The following XPO7 variants were observed in gnomAD, a reference collection of about 807,000 sequenced individuals.
XPO7 encodes the protein exportin 7, also known as exportin-7.
XPO7 carries 21 observed loss-of-function variants against 144.3 expected under a neutral mutation model. That is an observed-to-expected ratio of 0.15 (90% CI 0.10 to 0.21). XPO7 has a LOEUF of 0.21. XPO7 is among the 10% of genes least tolerant of loss of function. XPO7 has a pLI of 1.00. For synonymous variants in XPO7, 580 were observed against 499.6 expected, an observed-to-expected ratio of 1.16 and a Z score of -2.15; for missense variants, 808 against 1,325.8, an observed-to-expected ratio of 0.61 and a Z score of 6.06.
Position 21,986,848 on chromosome 8 carries a change from T to G in XPO7, c.1578-293T>G, listed in dbSNP as rs1812596143. 6.6e-6 allele frequency among the ~76,000 whole-genome samples: 1 copy of G among 152,216 alleles called. No homozygotes were observed. The highest frequency in any genetic ancestry group is 1.5e-5 in the Non-Finnish European group (1 of 68,030). The stretch of plus-strand genomic sequence containing the variant: ...TCGCATTCACTCACTTGCATTCCAG[T>G]ATCCTTTCTTTTGGGGAGAAGGTAC... On this transcript the variant is annotated intron_variant, in intron 13 of 27. Transcript: ENST00000252512.
At chr8:21,972,058 T>C in intron 5 of XPO7, 117 bp downstream of exon 5, 1 of 889,752 alleles carries the variant, frequency 1.1e-6, no homozygotes, top group South Asian at 1.5e-5. Context: ...CGGTAAGTGA[T>C]TAATGCCCTT....
intron 8 of XPO7, among the ~76,000 whole-genome samples, chr8:21,979,257 C>G (rs1812324600): frequency 6.6e-6 from 1 of 151,810 alleles, no homozygotes; most frequent in African/African-American, 2.4e-5. Context: ...GTTGGTCAGG[C>G]TGGTCTCAAA....
chr8:21,996,983 T>C (rs965374478), intron 21 of XPO7, among the ~76,000 whole-genome samples: 3 of 152,128 alleles, frequency 2.0e-5, no homozygotes, highest in African/African-American at 4.8e-5. Context: ...TAATTTTCTA[T>C]TTTTAGTAGA....
rs140368394 is a variant in XPO7 at position 21,923,016 on chromosome 8, T to A, written c.18+3228T>A. ...GCAGGGTGCAAAAAGTCGGCCTGATTATAGCAAAAGTGATGGTTGTTTTTT... is the reference window on the plus strand; with the variant it reads ...GCAGGGTGCAAAAAGTCGGCCTGATAATAGCAAAAGTGATGGTTGTTTTTT... On this transcript the variant is annotated intron_variant, in intron 1 of 27. Transcript: ENST00000252512. 4.6e-3 allele frequency among the ~76,000 whole-genome samples: 700 copies of A among 152,334 alleles called. 8 individuals are homozygous for A. Among genetic ancestry groups the A allele is most frequent in the African/African-American group, 0.015 (629 of 41,572 alleles).
chr8:21,982,912 C>G, intron 11 of XPO7, 100 bp downstream of exon 11: 1 of 1,387,826 alleles, frequency 7.2e-7, no homozygotes, highest in Non-Finnish European at 9.7e-7. Flanking sequence ...CGAAGCGTGT[C>G]TCATTGGAGC....
At chr8:21,939,877 G>C (rs1279388562) in intron 1 of XPO7, among the ~76,000 whole-genome samples, 2 of 152,172 alleles carry the variant, frequency 1.3e-5, no homozygotes, top group Non-Finnish European at 2.9e-5. Flanking sequence ...CAAACATTTA[G>C]TAGTCTTTTA....
At chr8:21,921,302 A>G (rs1810278025) in intron 1 of XPO7, 1 of 152,244 alleles carries the variant, frequency 6.6e-6, no homozygotes, top group Non-Finnish European at 1.5e-5. Context: ...CCAAAGCACA[A>G]GAATGATAAT....
At chr8:21,951,853 T>A (rs1320314112) in intron 1 of XPO7, among the ~76,000 whole-genome samples, 2 of 152,124 alleles carry the variant, frequency 1.3e-5, no homozygotes, top group African/African-American at 4.8e-5. Context: ...TAATTACGAG[T>A]CTTACAGCTG....
intron 1 of XPO7, among the ~76,000 whole-genome samples, chr8:21,926,781 A>C (rs1389751358): frequency 6.6e-6 from 1 of 152,180 alleles, no homozygotes; most frequent in Non-Finnish European, 1.5e-5. Flanking sequence ...GTTGAAAAAA[A>C]ATCTAAATTT....
chr8:21,951,354 AATC>A (rs908852757), intron 1 of XPO7, among the ~76,000 whole-genome samples: 7 of 152,020 alleles, frequency 4.6e-5, no homozygotes, highest in African/African-American at 1.7e-4. Context: ...ATATACTCTT[AATC>A]ATCCTTACTC....
intron 1 of XPO7, among the ~76,000 whole-genome samples, chr8:21,925,393 G>A (rs1287078850): frequency 6.6e-6 from 1 of 152,176 alleles, no homozygotes; most frequent in Non-Finnish European, 1.5e-5. Flanking sequence ...AGCATTAATT[G>A]ATATCATTTA....
rs145978441 is a variant in XPO7 at position 21,947,936 on chromosome 8, A to C, written c.19-18921A>C. On this transcript the variant is annotated intron_variant, in intron 1 of 27. Transcript: ENST00000252512. The stretch of plus-strand genomic sequence containing the variant: ...AAAACTGATAGAACTATAGGATAAA[A>C]CTACAAAAAATAAAAAAACATGGCA... Among the ~76,000 whole-genome samples the C allele has an allele frequency of 2.7e-3, 404 of 152,304 alleles. 2 individuals are homozygous for C. The highest frequency in any genetic ancestry group is 8.9e-3 in the African/African-American group (370 of 41,574).
In XPO7 at chr8:21,970,266, T is replaced by C. The variant is rs576438786; in HGVS notation, c.382T>C (p.Tyr128His). The change falls in exon 4 of 28, where the codon TAT (tyrosine) becomes CAT (histidine). Residue 128 changes from tyrosine (Y) to histidine (H), a missense_variant. Physicochemically the swap from Tyr to His is moderately conservative, Grantham distance 83 (BLOSUM62 2). Transcript: ENST00000252512. ...LGWFDCQKDD[Y>H]VFRNAITDVT... ...CTGGTTTGACTGTCAGAAGGATGAC[T>C]ATGTCTTCAGAAATGCAATCACAGA... The C allele has an allele frequency of 4.3e-6, 7 of 1,613,698 alleles. No individual in the cohort carries two copies. Among genetic ancestry groups the C allele is most frequent in the Non-Finnish European group, 5.9e-6 (7 of 1,179,824 alleles).
At chr8:21,995,449 C>G (rs1456076103) in intron 20 of XPO7, 43 bp from the exon 21 acceptor site, 8 of 1,521,846 alleles carry the variant, frequency 5.3e-6, no homozygotes, top group Non-Finnish European at 7.2e-6. Flanking sequence ...AAATTCTGTA[C>G]CTTTCTGGAA....
intron 1 of XPO7, among the ~76,000 whole-genome samples, chr8:21,930,233 C>T (rs1284950379): frequency 6.6e-6 from 1 of 152,174 alleles, no homozygotes; most frequent in African/African-American, 2.4e-5. Context: ...TATTATCCTT[C>T]TGGTTATTTG....
chr8:21,955,293 G>GT lies in XPO7; in HGVS notation c.19-11556dup, dbSNP rs1003895789. 2.0e-5 allele frequency among the ~76,000 whole-genome samples: 3 copies of GT among 151,932 alleles called. No individual in the cohort carries two copies. The East Asian group carries it at 5.8e-4, about 29-fold the overall frequency. ...AGGTGGCAAAAGCCAGGTATATGGG[G>GT]TTTTTTTTCCTCCTTATCAGAACTC... On this transcript the variant is annotated intron_variant, in intron 1 of 27. Transcript: ENST00000252512.
chr8:21,921,614 C>G (rs188392376), intron 1 of XPO7: 1 of 152,260 alleles, frequency 6.6e-6, no homozygotes, highest in Non-Finnish European at 1.5e-5. Flanking sequence ...CAGCATTTGT[C>G]GCTCCAACGA....
chr8:21,998,011 A>G (rs781397374), intron 21 of XPO7, among the ~76,000 whole-genome samples: 4 of 152,208 alleles, frequency 2.6e-5, no homozygotes, highest in Non-Finnish European at 4.4e-5. Context: ...CCAAGTCCCT[A>G]TGCATCTTTT....
intron 3 of XPO7, chr8:21,969,836 C>T: frequency 1.8e-6 from 1 of 541,810 alleles, no homozygotes; most frequent in East Asian, 3.2e-5. Flanking sequence ...CCACTAATAA[C>T]TAAGAAAAAC....
Sources: allele counts gnomAD v4.1 joint callset (sites outside exome capture counted in the v4.1 genomes callset), GRCh38; gene constraint gnomAD v4.1.1; transcripts MANE v1.5; gene names NCBI Gene and HGNC (gene_info 2026-07-23, HGNC 2026-07-21).